The following PRDM1 variants were observed in gnomAD, a reference collection of about 807,000 sequenced individuals.
The protein encoded by PRDM1 is PR domain zinc finger protein 1.
PRDM1 carries 13 observed loss-of-function variants against 62.8 expected under a neutral mutation model. The ratio of observed to expected loss-of-function variants is 0.21; its 90% CI spans 0.13 to 0.33. The LOEUF (loss-of-function observed/expected upper bound fraction) is 0.33. PRDM1 is among the 10% of genes least tolerant of loss of function. The pLI is 1.00. For synonymous variants in PRDM1, 396 were observed against 417.6 expected (o/e 0.95, Z 0.63); for missense variants, 895 against 1,058.8 (o/e 0.85, Z 2.15).
chr6:106,102,663 T>C (rs1486253806), intron 4 of PRDM1, among the ~76,000 whole-genome samples: 1 of 152,212 alleles, frequency 6.6e-6, no homozygotes. Flanking sequence ...GTGCCACAGA[T>C]GGACTGAAAC....
intron 1 of PRDM1, among the ~76,000 whole-genome samples, chr6:106,072,586 T>C (rs924876949): frequency 6.6e-6 from 1 of 152,232 alleles, no homozygotes; most frequent in East Asian, 1.9e-4. Context: ...AACCCAGTCC[T>C]AATAAAACTC....
At position 106,106,929 on chromosome 6, in the gene PRDM1, A is replaced by G. The variant is rs1774508689; in HGVS notation, c.1921A>G (p.Ser641Gly). 6.2e-7 allele frequency: 1 copy of G among 1,613,344 alleles called. No individual in the cohort carries two copies. The highest frequency in any genetic ancestry group is 1.1e-5 in the South Asian group (1 of 91,046). Reference sequence around the variant, plus strand: ...ACTGTAGGTCTGCCACAAGAGATTTAGCAGCACCAGCAATCTCAAGACCCA... The same window carrying G: ...ACTGTAGGTCTGCCACAAGAGATTTGGCAGCACCAGCAATCTCAAGACCCA... ...HECQVCHKRF[S>G]STSNLKTHLR... is the part of the protein sequence containing the mutation. Residue 641 changes from serine to glycine, a missense_variant, in exon 7 of 7, where the codon AGC (serine) becomes GGC (glycine). Physicochemically the swap from Ser to Gly is moderately conservative, Grantham distance 56. Coordinates refer to ENST00000369096, the MANE Select transcript of PRDM1 (RefSeq NM_001198.4). The surrounding 1 kb of genome is among the most constrained non-coding windows in gnomAD (Gnocchi z 4.4).
intron 1 of PRDM1, among the ~76,000 whole-genome samples, chr6:106,035,601 C>A (rs967753391): frequency 1.3e-5 from 2 of 151,994 alleles, no homozygotes; most frequent in Non-Finnish European, 2.9e-5. Flanking sequence ...ATTACTCCAG[C>A]CTGGGTGACA....
chr6:106,078,806 AT>A (rs1773642344), intron 1 of PRDM1, among the ~76,000 whole-genome samples: 1 of 152,082 alleles, frequency 6.6e-6, no homozygotes, highest in Non-Finnish European at 1.5e-5. Flanking sequence ...GTGAGCCATG[AT>A]TGTGCCACTG....
chr6:106,107,841 A>G lies in PRDM1; in HGVS notation c.*355A>G, dbSNP rs1774547327. 8.6e-6 allele frequency: 2 copies of G among 232,422 alleles called. No homozygotes were observed. The highest frequency in any genetic ancestry group is 3.6e-4 in the South Asian group (2 of 5,512). 14.4% of individuals were successfully genotyped at this position (232,422 alleles called of 1,614,324 possible). On this transcript the variant is annotated 3_prime_UTR_variant, in exon 7 of 7. Coordinates refer to ENST00000369096, the MANE Select transcript of PRDM1 (RefSeq NM_001198.4). ...AGTCATAATTATTTTTTCAATGATA[A>G]TCCTTCATAATTTATTATACAATTT...
intron 3 of PRDM1, among the ~76,000 whole-genome samples, chr6:106,097,408 T>G (rs1774141425): frequency 6.6e-6 from 1 of 152,238 alleles, no homozygotes; most frequent in Non-Finnish European, 1.5e-5. Flanking sequence ...TTGGGAGGAT[T>G]TATTTGAATC....
In PRDM1 at chr6:106,095,680, A is replaced by T. The variant is rs1335026269; in HGVS notation, c.357A>T (p.Glu119Asp). 1 of 1,612,070 alleles carries T rather than the reference A, an allele frequency of 6.2e-7. No individual in the cohort carries two copies. Among genetic ancestry groups the T allele is most frequent in the Admixed American group, 1.7e-5 (1 of 59,898 alleles). ...CACGTTTTGGACCCCTAATAGGTGAAATCTACACCAATGACACAGTTCCTA... is the reference window on the plus strand; with the variant it reads ...CACGTTTTGGACCCCTAATAGGTGATATCTACACCAATGACACAGTTCCTA... ...KGTRFGPLIG[E>D]IYTNDTVPKN... The change falls in exon 3 of 7, where the codon GAA becomes GAT. Residue 119 changes from glutamate to aspartate, a missense_variant. Glu to Asp is a conservative substitution (Grantham distance 45). This residue lies in a region of PRDM1 where 213 missense variants were observed against 283.9 expected (regional missense o/e 0.75). Coordinates refer to ENST00000369096, the MANE Select transcript of PRDM1 (RefSeq NM_001198.4).
intron 1 of PRDM1, among the ~76,000 whole-genome samples, chr6:106,013,393 T>C (rs1772580617): frequency 6.6e-6 from 1 of 150,908 alleles, no homozygotes; most frequent in Non-Finnish European, 1.5e-5. Flanking sequence ...AACTGCGTGA[T>C]CTCAGCTCAC....
In PRDM1 at chr6:106,090,056, AT is replaced by A. The variant is rs1186207288; in HGVS notation, c.291+1610del. Among the ~76,000 whole-genome samples, 6 of 152,222 alleles carry A rather than the reference AT, an allele frequency of 3.9e-5. No individual in the cohort carries two copies. The East Asian group carries it at 1.2e-3, about 29-fold the overall frequency. ...CTAAGTCAAGTAATGCTCTTAGATC[AT>A]TTAGTTCAAGGTTCAGAAAGACAGT... is the stretch of plus-strand genomic sequence containing the variant. On this transcript the variant is annotated intron_variant, in intron 2 of 6. Coordinates refer to ENST00000369096, the MANE Select transcript of PRDM1 (RefSeq NM_001198.4).
chr6:106,045,863 A>C (rs1048607310), upstream of PRDM1: 2 of 152,234 alleles, frequency 1.3e-5, no homozygotes, highest in Non-Finnish European at 2.9e-5. Context: ...ACCAATGCCT[A>C]TGTTCTAGAG....
At chr6:106,066,197 C>A (rs1356777490) in intron 1 of PRDM1, among the ~76,000 whole-genome samples, 4 of 152,050 alleles carry the variant, frequency 2.6e-5, no homozygotes, top group Admixed American at 6.6e-5. Context: ...TTGGTGGGGG[C>A]TTTGTTCTTA....
At chr6:105,996,027 T>C (rs1243691505) in intron 1 of PRDM1, among the ~76,000 whole-genome samples, 1 of 152,340 alleles carries the variant, frequency 6.6e-6, no homozygotes, top group East Asian at 1.9e-4. Context: ...TTTTCAAACT[T>C]GATTTCTTTC....
At chr6:106,095,812 C>G in intron 3 of PRDM1, 78 bp downstream of exon 3, 1 of 1,506,060 alleles carries the variant, frequency 6.6e-7, no homozygotes, top group South Asian at 1.2e-5. Flanking sequence ...GCTCACCTTT[C>G]TCATCCTGTG....
intron 1 of PRDM1, among the ~76,000 whole-genome samples, chr6:106,021,222 TC>T (rs1412195619): frequency 6.6e-6 from 1 of 152,248 alleles, no homozygotes; most frequent in Non-Finnish European, 1.5e-5. Flanking sequence ...GGTTATGCTT[TC>T]TTTTTACTTT....
chr6:106,104,056 G>A (rs569148105), intron 4 of PRDM1, among the ~76,000 whole-genome samples: 2 of 152,320 alleles, frequency 1.3e-5, no homozygotes, highest in South Asian at 2.1e-4. Flanking sequence ...ATTGATGACT[G>A]TGTATTACTT....
At chr6:106,056,476 A>T (rs1439083796) in intron 1 of PRDM1, among the ~76,000 whole-genome samples, 3 of 152,208 alleles carry the variant, frequency 2.0e-5, no homozygotes, top group African/African-American at 7.2e-5. Context: ...TCCAGTATGT[A>T]TCAACTTGCT....
intron 1 of PRDM1, among the ~76,000 whole-genome samples, chr6:106,043,270 G>T (rs982814488): frequency 6.6e-6 from 1 of 152,098 alleles, no homozygotes; most frequent in Non-Finnish European, 1.5e-5. Context: ...GCCATAATTG[G>T]TATTTATTTT....
intron 1 of PRDM1, among the ~76,000 whole-genome samples, chr6:106,038,833 C>G (rs1772955313): frequency 6.6e-6 from 1 of 152,124 alleles, no homozygotes; most frequent in Non-Finnish European, 1.5e-5. Flanking sequence ...CCAAGCCTTC[C>G]CCTAGAGGTT....
At position 106,000,568 on chromosome 6, in the gene PRDM1, A is replaced by T. The variant is rs1463478104; in HGVS notation, c.-67+6929A>T. Among the ~76,000 whole-genome samples, 8 of 145,844 alleles carry T rather than the reference A, an allele frequency of 5.5e-5. No individual in the cohort carries two copies. In the East Asian group the frequency reaches 1.6e-3, roughly 30 times the overall value. On this transcript the variant is annotated intron_variant, in intron 1 of 6. Transcript: ENST00000652320. Reference sequence around the variant, plus strand: ...TCCCTCCCTCACCAAGGTTATTTCCATGTATGTTTTCCATGTATGTAATTT... The same window carrying T: ...TCCCTCCCTCACCAAGGTTATTTCCTTGTATGTTTTCCATGTATGTAATTT...
Sources: gnomAD v4.1 joint callset for allele counts (sites outside exome capture counted in the v4.1 genomes callset) on GRCh38, gnomAD v4.1.1 for gene constraint, gnomAD v4.1.1 regional missense constraint, Gnocchi (gnomAD v3.1) non-coding constraint, MANE v1.5 for transcripts, NCBI Gene and HGNC (gene_info 2026-07-23, HGNC 2026-07-21) for gene names.